Variants in MIPOL1 observed in about 807,000 individuals in gnomAD.
MIPOL1 encodes mirror-image polydactyly gene 1 protein.
Under a neutral mutation model 60.9 loss-of-function variants are expected in MIPOL1, and 57 were observed. The observed-to-expected ratio is 0.94, with a 90% CI of 0.76 to 1.17. The LOEUF is 1.17. MIPOL1 is among the 50% of genes most tolerant of loss of function. MIPOL1 has a pLI of 0.00. For missense variants in MIPOL1, 551 were observed against 511.6 expected (o/e 1.08, Z -0.74); for synonymous variants, 179 against 168.8 (o/e 1.06, Z -0.47).
chr14:37,210,422 A>G (rs1448248523), intron 1 of MIPOL1, among the ~76,000 whole-genome samples: 1 of 152,070 alleles, frequency 6.6e-6, no homozygotes, highest in Non-Finnish European at 1.5e-5. Context: ...GTGGTTATTT[A>G]TAAAGGATGT....
intron 6 of MIPOL1, among the ~76,000 whole-genome samples, chr14:37,280,721 C>T (rs1365827047): frequency 2.6e-5 from 4 of 152,068 alleles, no homozygotes; most frequent in Non-Finnish European, 4.4e-5. Context: ...TGCAGTGGCA[C>T]GATCTTGGCT....
intron 10 of MIPOL1, among the ~76,000 whole-genome samples, chr14:37,415,753 T>A (rs561230174): frequency 1.3e-5 from 2 of 152,258 alleles, no homozygotes; most frequent in Admixed American, 1.3e-4. Context: ...TGCTCCACCA[T>A]TCATTAACTG....
At chr14:37,531,855 G>A (rs1182758425) in intron 12 of MIPOL1, among the ~76,000 whole-genome samples, 4 of 152,078 alleles carry the variant, frequency 2.6e-5, no homozygotes, top group Admixed American at 2.6e-4. Context: ...TGAGGGGAGA[G>A]AAGGGGACCT....
chr14:37,478,614 A>G (rs995461861), intron 11 of MIPOL1, among the ~76,000 whole-genome samples: 11 of 152,108 alleles, frequency 7.2e-5, no homozygotes, highest in African/African-American at 2.7e-4. Flanking sequence ...TAAAGAGGAC[A>G]TAGAGTGGCT....
At chr14:37,330,644 G>C (rs2089593063) in intron 9 of MIPOL1, among the ~76,000 whole-genome samples, 1 of 151,346 alleles carries the variant, frequency 6.6e-6, no homozygotes, top group African/African-American at 2.4e-5. Context: ...TAAAAGGGCT[G>C]TTATCAGAAC....
intron 12 of MIPOL1, among the ~76,000 whole-genome samples, chr14:37,521,691 G>C (rs771777939): frequency 6.6e-6 from 1 of 151,782 alleles, no homozygotes; most frequent in Non-Finnish European, 1.5e-5. Context: ...ACTATTCTGC[G>C]GATCTCTTCC....
At chr14:37,533,019 A>G (rs1038468302) in intron 12 of MIPOL1, among the ~76,000 whole-genome samples, 2 of 152,114 alleles carry the variant, frequency 1.3e-5, no homozygotes, top group African/African-American at 2.4e-5. Flanking sequence ...CATATGTGTT[A>G]TAGGCTTTAT....
chr14:37,245,796 T>A (rs548092103), intron 1 of MIPOL1, among the ~76,000 whole-genome samples: 1 of 152,228 alleles, frequency 6.6e-6, no homozygotes, highest in East Asian at 1.9e-4. Context: ...AGGCTACTAA[T>A]ACATATTTTT....
At chr14:37,299,971 A>G (rs1406272904) in intron 7 of MIPOL1, among the ~76,000 whole-genome samples, 1 of 151,910 alleles carries the variant, frequency 6.6e-6, no homozygotes, top group Non-Finnish European at 1.5e-5. Context: ...AATGTTTCTC[A>G]ATTTGGGTTT....
intron 9 of MIPOL1, among the ~76,000 whole-genome samples, chr14:37,361,346 G>A (rs945641221): frequency 6.6e-6 from 1 of 152,176 alleles, no homozygotes; most frequent in Non-Finnish European, 1.5e-5. Context: ...CCTTGGTGCA[G>A]AGCTGCATTC....
chr14:37,296,193 C>A (rs1776177449), intron 7 of MIPOL1, among the ~76,000 whole-genome samples: 1 of 152,176 alleles, frequency 6.6e-6, no homozygotes, highest in South Asian at 2.1e-4. Context: ...ACAACCTGCT[C>A]CTGAATGACT....
chr14:37,296,004 C>G (rs1433349815), intron 7 of MIPOL1, among the ~76,000 whole-genome samples: 1 of 152,116 alleles, frequency 6.6e-6, no homozygotes, highest in African/African-American at 2.4e-5. Context: ...AATATACATT[C>G]TTCTCAGCAC....
chr14:37,325,609 T>A (rs1210397847), intron 9 of MIPOL1, among the ~76,000 whole-genome samples: 1 of 151,960 alleles, frequency 6.6e-6, no homozygotes, highest in Non-Finnish European at 1.5e-5. Context: ...ATTCTCTCTG[T>A]TTTTTCTAAT....
intron 12 of MIPOL1, among the ~76,000 whole-genome samples, chr14:37,527,634 G>A (rs903900440): frequency 9.9e-5 from 15 of 152,062 alleles, no homozygotes; most frequent in Non-Finnish European, 1.6e-4. Context: ...TTGAATGTGA[G>A]AGATTAAAGG....
intron 10 of MIPOL1, among the ~76,000 whole-genome samples, chr14:37,406,151 G>T (rs1595627734): frequency 6.6e-6 from 1 of 152,216 alleles, no homozygotes; most frequent in Middle Eastern, 3.4e-3. Context: ...TAGCTAAAAT[G>T]ATAGACAAGT....
At chr14:37,248,575 T>C (rs961318679) in intron 3 of MIPOL1, among the ~76,000 whole-genome samples, 2 of 151,902 alleles carry the variant, frequency 1.3e-5, no homozygotes, top group African/African-American at 4.8e-5. Context: ...AGAGACAAGA[T>C]ATGGCTCTTT....
intron 1 of MIPOL1, among the ~76,000 whole-genome samples, chr14:37,205,759 G>A (rs888701563): frequency 6.6e-6 from 1 of 152,030 alleles, no homozygotes; most frequent in African/African-American, 2.4e-5. Context: ...CAGAATGATG[G>A]TTTCCAGCTT....
chr14:37,422,023 A>G (rs2093881422), intron 10 of MIPOL1, among the ~76,000 whole-genome samples: 1 of 152,200 alleles, frequency 6.6e-6, no homozygotes, highest in Non-Finnish European at 1.5e-5. Flanking sequence ...CCATTTTATG[A>G]AAATTTAACT....
intron 10 of MIPOL1, among the ~76,000 whole-genome samples, chr14:37,374,466 G>T (rs550425212): frequency 6.6e-6 from 1 of 152,064 alleles, no homozygotes; most frequent in African/African-American, 2.4e-5. Flanking sequence ...GCCCATGCCT[G>T]TGTCCTGAAT....
Sources: allele counts gnomAD v4.1 joint callset (sites outside exome capture counted in the v4.1 genomes callset), GRCh38; gene constraint gnomAD v4.1.1; transcripts MANE v1.5; gene names NCBI Gene and HGNC (gene_info 2026-07-23, HGNC 2026-07-21).